The following MBNL2 variants were observed in gnomAD, a reference collection of about 807,000 sequenced individuals.
MBNL2 encodes muscleblind like splicing regulator 2.
In MBNL2, 17 loss-of-function variants were observed where a neutral mutation model predicts 41.9. That is an observed-to-expected ratio of 0.41 (90% CI 0.28 to 0.61). The LOEUF (loss-of-function observed/expected upper bound fraction) is 0.61. Among genes scored for constraint, MBNL2 ranks in the 20% least tolerant of loss-of-function variants. The pLI is 0.35. For missense variants in MBNL2, 336 were observed against 505.6 expected (o/e 0.66, Z 3.22); for synonymous variants, 195 against 182.9 (o/e 1.07, Z -0.53).
chr13:97,296,468 GA>G (rs2057028697), intron 2 of MBNL2, among the ~76,000 whole-genome samples: 1 of 152,128 alleles, frequency 6.6e-6, no homozygotes, highest in African/African-American at 2.4e-5. Context: ...AGAATCCAGA[GA>G]AACTGTTTTT....
At chr13:97,192,766 C>A in the MBNL2 span, among the ~76,000 whole-genome samples, 1 of 152,228 alleles carries the variant, frequency 6.6e-6, no homozygotes. Context: ...ATAGTATTAG[C>A]TTTCACTCTC....
At chr13:97,276,929 T>A (rs139591830) in intron 2 of MBNL2, among the ~76,000 whole-genome samples, 4 of 152,250 alleles carry the variant, frequency 2.6e-5, no homozygotes, top group African/African-American at 7.2e-5. Context: ...AGAATCTACT[T>A]CATGTGAGTT....
intron 1 of MBNL2, among the ~76,000 whole-genome samples, chr13:97,237,052 G>A (rs2043410607): frequency 6.6e-6 from 1 of 152,182 alleles, no homozygotes; most frequent in South Asian, 2.1e-4. Flanking sequence ...GTCTGTTTAA[G>A]TCAAGGGATT....
chr13:97,226,216 G>T, intron 1 of MBNL2, among the ~76,000 whole-genome samples: 1 of 152,216 alleles, frequency 6.6e-6, no homozygotes. Context: ...GGTGTGAAAG[G>T]TAAGGCCTAA....
chr13:97,254,820 C>T (rs894281187), intron 1 of MBNL2, among the ~76,000 whole-genome samples: 1 of 152,116 alleles, frequency 6.6e-6, no homozygotes, highest in African/African-American at 2.4e-5. Context: ...GACTGAAACC[C>T]AATAGATGCT....
At chr13:97,369,483 G>A (rs868695985) in intron 8 of MBNL2, among the ~76,000 whole-genome samples, 3 of 152,300 alleles carry the variant, frequency 2.0e-5, no homozygotes, top group East Asian at 1.9e-4. Context: ...TTCGATGACC[G>A]ATAAGCACCC....
intron 1 of MBNL2, among the ~76,000 whole-genome samples, chr13:97,247,900 C>G (rs918569492): frequency 6.6e-6 from 1 of 152,154 alleles, no homozygotes; most frequent in Non-Finnish European, 1.5e-5. Context: ...CCCCAATTAC[C>G]TTTTCAGTCT....
chr13:97,219,346 G>T (rs2040669943), upstream of MBNL2, among the ~76,000 whole-genome samples: 1 of 152,330 alleles, frequency 6.6e-6, no homozygotes, highest in Non-Finnish European at 1.5e-5. Flanking sequence ...AGAGCCTCAT[G>T]GGCCATGTTG....
chr13:97,184,177 A>G, the MBNL2 span, among the ~76,000 whole-genome samples: 1 of 152,196 alleles, frequency 6.6e-6, no homozygotes, highest in African/African-American at 2.4e-5. Flanking sequence ...TTCTGCTACC[A>G]GGCACTGTTT....
intron 2 of MBNL2, among the ~76,000 whole-genome samples, chr13:97,299,149 T>G (rs2057355004): frequency 6.6e-6 from 1 of 152,200 alleles, no homozygotes; most frequent in South Asian, 2.1e-4. Flanking sequence ...GCATTGATGG[T>G]TTTTGTTAGT....
chr13:97,300,499 A>G (rs936119285), intron 2 of MBNL2, among the ~76,000 whole-genome samples: 2 of 152,146 alleles, frequency 1.3e-5, no homozygotes, highest in African/African-American at 4.8e-5. Context: ...GCAGTTCACA[A>G]TAGGGTTCCC....
intron 2 of MBNL2, among the ~76,000 whole-genome samples, chr13:97,320,431 T>C (rs920906948): frequency 6.6e-6 from 1 of 151,930 alleles, no homozygotes; most frequent in Non-Finnish European, 1.5e-5. Context: ...TAATTTTTTG[T>C]ATTTTTAGTA....
the MBNL2 span, among the ~76,000 whole-genome samples, chr13:97,173,277 G>A: frequency 5.9e-5 from 9 of 152,210 alleles, no homozygotes; most frequent in Admixed American, 5.9e-4. Flanking sequence ...TAGAAATGTG[G>A]AATGAGGAAA....
chr13:97,390,968 C>T (rs1434313888), intron 8 of MBNL2, among the ~76,000 whole-genome samples: 1 of 152,012 alleles, frequency 6.6e-6, no homozygotes, highest in Non-Finnish European at 1.5e-5. Flanking sequence ...ATCACCGTAG[C>T]AAATATGAAT....
chr13:97,218,440 C>CAAAAAAAAAA (rs372883729), upstream of MBNL2, among the ~76,000 whole-genome samples: 504 of 117,654 alleles, frequency 4.3e-3, 3 homozygotes, highest in African/African-American at 7.6e-3. Context: ...CAAAACAAAA[C>CAAAAAAAAAA]AAAAAAAAAA....
At chr13:97,350,583 G>T (rs1386241258) in intron 5 of MBNL2, among the ~76,000 whole-genome samples, 1 of 152,184 alleles carries the variant, frequency 6.6e-6, no homozygotes, top group Non-Finnish European at 1.5e-5. Flanking sequence ...TATATAGTTT[G>T]CTAAATCCTT....
At chr13:97,240,441 C>T (rs995119062) in intron 1 of MBNL2, among the ~76,000 whole-genome samples, 1 of 152,176 alleles carries the variant, frequency 6.6e-6, no homozygotes, top group Non-Finnish European at 1.5e-5. Flanking sequence ...GTACTTTCTA[C>T]ACTGCACAAA....
intron 1 of MBNL2, among the ~76,000 whole-genome samples, chr13:97,231,280 A>G (rs929125171): frequency 6.6e-6 from 1 of 152,240 alleles, no homozygotes; most frequent in South Asian, 2.1e-4. Context: ...GTGCCTGCGA[A>G]TCACCTGGGG....
At chr13:97,255,380 G>T (rs1475786086) in intron 1 of MBNL2, among the ~76,000 whole-genome samples, 1 of 152,132 alleles carries the variant, frequency 6.6e-6, no homozygotes, top group African/African-American at 2.4e-5. Flanking sequence ...AAGTTTTTAA[G>T]TAAAATGAAT....
Sources: allele counts gnomAD v4.1 joint callset (sites outside exome capture counted in the v4.1 genomes callset), GRCh38; gene constraint gnomAD v4.1.1; transcripts MANE v1.5; gene names NCBI Gene and HGNC (gene_info 2026-07-23, HGNC 2026-07-21).